The following OMA1 variants were observed in gnomAD, a reference collection of about 807,000 sequenced individuals.
OMA1 encodes the protein metalloendopeptidase OMA1, mitochondrial.
OMA1 carries 38 observed loss-of-function variants against 30.9 expected under a neutral mutation model. The observed-to-expected ratio is 1.23, with a 90% CI of 0.95 to 1.61. The LOEUF (loss-of-function observed/expected upper bound fraction) is 1.61. Ranked by LOEUF, OMA1 falls within the 40% of genes most tolerant of loss-of-function variation. The pLI, the probability that OMA1 is intolerant of heterozygous loss-of-function variation, is 0.00. For missense variants in OMA1, 461 were observed against 349.2 expected, an observed-to-expected ratio of 1.32 and a Z score of -2.55; for synonymous variants, 173 against 121.9, an observed-to-expected ratio of 1.42 and a Z score of -2.76.
At position 58,533,935 on chromosome 1, in the gene OMA1, T is replaced by A; in HGVS notation, c.1011+18A>T. 1 of 868,884 alleles carries A rather than the reference T, an allele frequency of 1.2e-6. No homozygotes were observed. Among genetic ancestry groups the A allele is most frequent in the Non-Finnish European group, 2.0e-6 (1 of 498,550 alleles). 53.8% of individuals were successfully genotyped at this position (868,884 alleles called of 1,614,324 possible). Reference sequence around the variant, plus strand: ...AAAGCAGTTTTTCCAAACCTGAACATTCATTTTAGGTACTTACAGCATGCC... The same window carrying A: ...AAAGCAGTTTTTCCAAACCTGAACAATCATTTTAGGTACTTACAGCATGCC... On this transcript the variant is annotated intron_variant, in intron 5 of 8. Transcript: ENST00000371226.
intron 8 of OMA1, among the ~76,000 whole-genome samples, chr1:58,497,491 T>A (rs372939497): frequency 4.9e-4 from 74 of 152,268 alleles, no homozygotes; most frequent in African/African-American, 1.8e-3. Context: ...TCAGGACATA[T>A]CATTCCAAAA....
chr1:58,535,081 C>T (rs761170310), intron 3 of OMA1, among the ~76,000 whole-genome samples: 13 of 152,100 alleles, frequency 8.5e-5, no homozygotes, highest in Non-Finnish European at 1.8e-4. Flanking sequence ...ATAGACATTT[C>T]ATTAATTTTA....
intron 8 of OMA1, among the ~76,000 whole-genome samples, chr1:58,490,170 T>C (rs912916210): frequency 2.0e-5 from 3 of 152,202 alleles, no homozygotes; most frequent in Admixed American, 1.3e-4. Context: ...TTCGAACCCA[T>C]GGCAAAGAAG....
intron 8 of OMA1, among the ~76,000 whole-genome samples, chr1:58,482,514 A>G (rs1411417377): frequency 2.0e-5 from 3 of 152,186 alleles, no homozygotes; most frequent in Non-Finnish European, 1.5e-5. Context: ...TAAAAGAAAG[A>G]CATTTAGGGG....
chr1:58,544,550 T>A (rs1295571093), intron 1 of OMA1, among the ~76,000 whole-genome samples: 1 of 152,170 alleles, frequency 6.6e-6, no homozygotes, highest in East Asian at 1.9e-4. Context: ...TATTATTACT[T>A]TTTTAAACCT....
At position 58,545,483 on chromosome 1, in the gene OMA1, C is replaced by T. The variant is rs1334625060; in HGVS notation, c.-17+1220G>A. The stretch of plus-strand genomic sequence containing the variant: ...ATCTATTCATGCATTTTCAAGGAGC[C>T]AATCACTAGACTACAGAGCACATAA... On this transcript the variant is annotated intron_variant, in intron 1 of 8. Coordinates refer to ENST00000371226, the MANE Select transcript of OMA1 (RefSeq NM_145243.5). 5.4e-5 allele frequency among the ~76,000 whole-genome samples: 8 copies of T among 149,260 alleles called. No homozygotes were observed. In the South Asian group the frequency reaches 1.8e-3, roughly 33 times the overall value.
chr1:58,519,726 T>A (rs1342116690), intron 7 of OMA1, among the ~76,000 whole-genome samples: 1 of 151,088 alleles, frequency 6.6e-6, no homozygotes, highest in Admixed American at 6.6e-5. Context: ...GAGATTAGAG[T>A]TAAGAAACAT....
At chr1:58,490,317 C>T (rs977632129) in intron 8 of OMA1, among the ~76,000 whole-genome samples, 9 of 151,752 alleles carry the variant, frequency 5.9e-5, no homozygotes, top group Non-Finnish European at 7.4e-5. Flanking sequence ...GTAGCCGATT[C>T]GATCAACTGG....
At chr1:58,518,188 AAGAAAAG>A (rs1434826621) in intron 7 of OMA1, among the ~76,000 whole-genome samples, 2 of 95,348 alleles carry the variant, frequency 2.1e-5, no homozygotes, top group South Asian at 4.5e-4. Context: ...TTCTGTCAGA[AAGAAAAG>A]AGGAGAGGGG....
chr1:58,533,873 A>C (rs1215724435), intron 5 of OMA1, 80 bp downstream of exon 5: 1 of 790,634 alleles, frequency 1.3e-6, no homozygotes, highest in Non-Finnish European at 2.3e-6. Flanking sequence ...AAACCTGAAA[A>C]AAATCAGTTC....
At chr1:58,527,577 T>C (rs1646372279) in intron 6 of OMA1, among the ~76,000 whole-genome samples, 1 of 152,188 alleles carries the variant, frequency 6.6e-6, no homozygotes. Context: ...TGACAGTCTG[T>C]AGTATAAGGA....
chr1:58,489,732 T>A (rs1244297043), intron 8 of OMA1, among the ~76,000 whole-genome samples: 1 of 152,150 alleles, frequency 6.6e-6, no homozygotes, highest in Non-Finnish European at 1.5e-5. Flanking sequence ...CGGGTACTCC[T>A]CTGAGACAAA....
At chr1:58,509,082 C>T (rs1243805000) in intron 7 of OMA1, among the ~76,000 whole-genome samples, 1 of 151,968 alleles carries the variant, frequency 6.6e-6, no homozygotes, top group Non-Finnish European at 1.5e-5. Context: ...AAGATCTTCT[C>T]CTGTACAAAG....
chr1:58,494,159 A>C (rs1441846334), intron 8 of OMA1, among the ~76,000 whole-genome samples: 2 of 152,206 alleles, frequency 1.3e-5, no homozygotes. Context: ...CAAAAATAAG[A>C]AATGGGGAAA....
intron 6 of OMA1, 59 bp from the exon 7 acceptor site, chr1:58,527,394 AAC>A (rs904418009): frequency 1.2e-6 from 1 of 821,658 alleles, no homozygotes; most frequent in African/African-American, 1.7e-5. Flanking sequence ...AAAAAGGAGT[AAC>A]ACAGAGAGAT....
intron 1 of OMA1, among the ~76,000 whole-genome samples, chr1:58,541,067 T>C (rs1354354749): frequency 6.6e-6 from 1 of 151,516 alleles, no homozygotes; most frequent in Non-Finnish European, 1.5e-5. Flanking sequence ...CCCAGCACTT[T>C]GGGAGGCCGA....
At chr1:58,543,884 G>GCC (rs1402132088) in intron 1 of OMA1, among the ~76,000 whole-genome samples, 1 of 152,160 alleles carries the variant, frequency 6.6e-6, no homozygotes, top group African/African-American at 2.4e-5. Context: ...CAATAAGGTA[G>GCC]CCCCTACATG....
At chr1:58,505,656 T>G (rs566419507) in intron 8 of OMA1, among the ~76,000 whole-genome samples, 2 of 152,126 alleles carry the variant, frequency 1.3e-5, no homozygotes, top group Non-Finnish European at 2.9e-5. Flanking sequence ...ACAATTAATA[T>G]CCACTTGACC....
chr1:58,508,865 C>T (rs948857488), intron 7 of OMA1, among the ~76,000 whole-genome samples: 3 of 151,836 alleles, frequency 2.0e-5, no homozygotes, highest in East Asian at 1.9e-4. Flanking sequence ...AGGTAGATCA[C>T]GTGTCCAACA....
Sources: gnomAD v4.1 joint callset for allele counts (sites outside exome capture counted in the v4.1 genomes callset) on GRCh38, gnomAD v4.1.1 for gene constraint, MANE v1.5 for transcripts, NCBI Gene and HGNC (gene_info 2026-07-23, HGNC 2026-07-21) for gene names.